The following LRRTM4 variants were observed in gnomAD, a reference collection of about 807,000 sequenced individuals.
LRRTM4 encodes the protein leucine-rich repeat transmembrane neuronal protein 4.
A neutral mutation model predicts 47.6 loss-of-function variants in LRRTM4; 25 were observed. That is an observed-to-expected ratio of 0.53 (90% confidence interval 0.38 to 0.73). The LOEUF is 0.73. Ranked by LOEUF, LRRTM4 falls within the 30% of genes least tolerant of loss-of-function variation. The pLI, the probability that LRRTM4 is intolerant of heterozygous loss-of-function variation, is 0.00. For synonymous variants in LRRTM4, 311 were observed against 269.5 expected (o/e 1.15, Z -1.51); for missense variants, 638 against 713.4 (o/e 0.89, Z 1.20).
In LRRTM4 at chr2:77,057,830, G is replaced by T. The variant is rs139724745; in HGVS notation, c.1552-308914C>A. ...CCTCTATTAAGGATAGATATGAAGTGGGGAGATAACTTTCATGAAGAATAA... is the reference window on the plus strand; with the variant it reads ...CCTCTATTAAGGATAGATATGAAGTTGGGAGATAACTTTCATGAAGAATAA... On this transcript the variant is annotated intron_variant, in intron 3 of 3. Coordinates refer to ENST00000409884, the MANE Select transcript of LRRTM4 (RefSeq NM_001134745.3). Among the ~76,000 whole-genome samples, 934 of 152,192 alleles carry T rather than the reference G, an allele frequency of 6.1e-3. 12 individuals are homozygous for T. The highest frequency in any genetic ancestry group is 0.022 in the African/African-American group (900 of 41,532).
intron 3 of LRRTM4, among the ~76,000 whole-genome samples, chr2:77,362,253 C>T (rs1026596977): frequency 7.2e-5 from 11 of 152,084 alleles, no homozygotes; most frequent in Admixed American, 3.3e-4. Flanking sequence ...AGACTGGCTC[C>T]GGAGTCCATA....
intron 3 of LRRTM4, among the ~76,000 whole-genome samples, chr2:76,940,431 A>T (rs902612490): frequency 1.3e-5 from 2 of 152,162 alleles, no homozygotes; most frequent in African/African-American, 2.4e-5. Context: ...GTGGGTGCTA[A>T]ATGATAAGAA....
At chr2:76,795,341 G>GAGTTCTATTTC (rs149676906) in intron 3 of LRRTM4, among the ~76,000 whole-genome samples, 16 of 151,938 alleles carry the variant, frequency 1.1e-4, no homozygotes, top group Non-Finnish European at 1.9e-4. Context: ...TCATGTCTGT[G>GAGTTCTATTTC]AGTTCTATAT....
chr2:77,502,468 T>C (rs1232767929), intron 3 of LRRTM4, among the ~76,000 whole-genome samples: 1 of 151,516 alleles, frequency 6.6e-6, no homozygotes, highest in East Asian at 1.9e-4. Context: ...TTTATCAATA[T>C]TTTGAAATAA....
chr2:76,815,416 C>T (rs1277657447), intron 3 of LRRTM4, among the ~76,000 whole-genome samples: 2 of 152,042 alleles, frequency 1.3e-5, no homozygotes, highest in African/African-American at 2.4e-5. Flanking sequence ...CACTGTGCTG[C>T]TCTATGAAAG....
chr2:76,756,359 T>C (rs1052440615), intron 3 of LRRTM4, among the ~76,000 whole-genome samples: 8 of 152,120 alleles, frequency 5.3e-5, no homozygotes, highest in African/African-American at 1.9e-4. Context: ...GATTCATGAG[T>C]TTGCCTGTAA....
intron 3 of LRRTM4, among the ~76,000 whole-genome samples, chr2:77,209,759 T>A (rs60535608): frequency 2.2e-4 from 34 of 152,268 alleles, no homozygotes; most frequent in East Asian, 1.5e-3. Flanking sequence ...TGCTCTGACC[T>A]GAATAATCAC....
At chr2:77,113,937 A>G (rs528346846) in intron 3 of LRRTM4, among the ~76,000 whole-genome samples, 7 of 152,284 alleles carry the variant, frequency 4.6e-5, no homozygotes, top group African/African-American at 1.7e-4. Flanking sequence ...GGAAGCTGCA[A>G]GTAGCGGCTC....
At chr2:77,339,422 T>A (rs1169520974) in intron 3 of LRRTM4, among the ~76,000 whole-genome samples, 1 of 152,054 alleles carries the variant, frequency 6.6e-6, no homozygotes, top group Non-Finnish European at 1.5e-5. Context: ...TCCCCTTTAA[T>A]TCTATAAAGC....
intron 3 of LRRTM4, among the ~76,000 whole-genome samples, chr2:77,064,713 T>C (rs1431209769): frequency 1.3e-5 from 2 of 152,238 alleles, no homozygotes; most frequent in Non-Finnish European, 2.9e-5. Context: ...TTGATGCTTT[T>C]ACTTCATATA....
chr2:77,280,259 T>G (rs1193530075), intron 3 of LRRTM4, among the ~76,000 whole-genome samples: 1 of 151,932 alleles, frequency 6.6e-6, no homozygotes, highest in Non-Finnish European at 1.5e-5. Context: ...AGGAAATAAA[T>G]CAGATTGTCC....
At chr2:77,467,796 G>A (rs62162631) in intron 3 of LRRTM4, among the ~76,000 whole-genome samples, 1 of 152,016 alleles carries the variant, frequency 6.6e-6, no homozygotes, top group Non-Finnish European at 1.5e-5. Flanking sequence ...GGATGGTAGG[G>A]AAAATGACAA....
intron 3 of LRRTM4, among the ~76,000 whole-genome samples, chr2:76,864,660 CA>C (rs758059198): frequency 0.012 from 1,160 of 100,656 alleles, 5 homozygotes; most frequent in African/African-American, 0.029. Context: ...AACTCCATCC[CA>C]AAAAAAAAAA....
chr2:76,876,933 A>G (rs1672795475), intron 3 of LRRTM4, among the ~76,000 whole-genome samples: 1 of 152,102 alleles, frequency 6.6e-6, no homozygotes, highest in Admixed American at 6.5e-5. Flanking sequence ...TGTTTAAAAT[A>G]AAGGTTTCAA....
At chr2:77,116,432 T>C (rs72911846) in intron 3 of LRRTM4, among the ~76,000 whole-genome samples, 4,449 of 152,220 alleles carry the variant, frequency 0.029, 214 homozygotes, top group African/African-American at 0.1. Context: ...CAATGATTTA[T>C]TGAATATATA....
At chr2:77,284,981 G>T (rs1304942223) in intron 3 of LRRTM4, among the ~76,000 whole-genome samples, 2 of 151,964 alleles carry the variant, frequency 1.3e-5, no homozygotes, top group Non-Finnish European at 1.5e-5. Context: ...AGTAGTTTAA[G>T]GATTGCATTT....
chr2:77,349,080 CAG>C (rs1671669455), intron 3 of LRRTM4, among the ~76,000 whole-genome samples: 1 of 151,444 alleles, frequency 6.6e-6, no homozygotes, highest in African/African-American at 2.4e-5. Flanking sequence ...TTTTAATCAA[CAG>C]TGTTTTGGAG....
chr2:77,291,912 T>C (rs1169473000), intron 3 of LRRTM4, among the ~76,000 whole-genome samples: 2 of 151,964 alleles, frequency 1.3e-5, no homozygotes, highest in East Asian at 1.9e-4. Flanking sequence ...ACAGGCAACC[T>C]ACAAAATGGG....
chr2:77,322,783 G>GAGAA (rs1469124891), intron 3 of LRRTM4, among the ~76,000 whole-genome samples: 1 of 149,556 alleles, frequency 6.7e-6, no homozygotes, highest in African/African-American at 2.5e-5. Flanking sequence ...GCGTATAACA[G>GAGAA]AGAAAGTCCA....
Sources: allele counts gnomAD v4.1 joint callset (sites outside exome capture counted in the v4.1 genomes callset), GRCh38; gene constraint gnomAD v4.1.1; transcripts MANE v1.5; gene names NCBI Gene and HGNC (gene_info 2026-07-23, HGNC 2026-07-21).